The following MAL2 variants were observed in gnomAD, a reference collection of about 807,000 sequenced individuals.
The protein encoded by MAL2 is mal, T cell differentiation protein 2.
A neutral mutation model predicts 18.1 loss-of-function variants in MAL2; 17 were observed. That is an observed-to-expected ratio of 0.94 (90% CI 0.64 to 1.41). The LOEUF (loss-of-function observed/expected upper bound fraction) is 1.41, where lower values mean the gene tolerates loss of function less well. Ranked by LOEUF, MAL2 falls within the 40% of genes most tolerant of loss-of-function variation. MAL2 has a pLI of 0.00. For missense variants in MAL2, 222 were observed against 231.9 expected (o/e 0.96, Z 0.28); for synonymous variants, 102 against 102.3 (o/e 1.00, Z 0.02).
chr8:119,223,408 A>G (rs1817510089), intron 2 of MAL2: 1 of 152,184 alleles, frequency 6.6e-6, no homozygotes, highest in South Asian at 2.1e-4. Context: ...AGAATAATAT[A>G]TTTGGTATTG....
chr8:119,242,034 A>G (rs772070781), intron 3 of MAL2, among the ~76,000 whole-genome samples: 11 of 152,168 alleles, frequency 7.2e-5, no homozygotes, highest in Non-Finnish European at 1.6e-4. Flanking sequence ...GGACTTTCCT[A>G]TGCTATTAGT....
chr8:119,235,305 A>C (rs1817856612), intron 2 of MAL2, among the ~76,000 whole-genome samples: 1 of 152,202 alleles, frequency 6.6e-6, no homozygotes, highest in African/African-American at 2.4e-5. Flanking sequence ...CTATGTGAAA[A>C]GACCAAATCT....
Position 119,244,141 on chromosome 8 carries a change from A to G in MAL2, c.*653A>G, listed in dbSNP as rs1311167524. ...GCCATAGTTTGTCAACCACTGGTGT[A>G]AAACCTTAGTTATATATGATCTGCA... On this transcript the variant is annotated 3_prime_UTR_variant, in exon 4 of 4. Transcript: ENST00000614891. 1 of 152,206 alleles carries G rather than the reference A, an allele frequency of 6.6e-6. No homozygotes were observed. Among genetic ancestry groups the G allele is most frequent in the Non-Finnish European group, 1.5e-5 (1 of 68,040 alleles). 9.4% of individuals were successfully genotyped at this position (152,206 alleles called of 1,614,324 possible).
At chr8:119,239,466 C>A (rs574054848) in intron 2 of MAL2, among the ~76,000 whole-genome samples, 3 of 152,116 alleles carry the variant, frequency 2.0e-5, no homozygotes, top group African/African-American at 4.8e-5. Flanking sequence ...AAGACACATG[C>A]ACATGTATGT....
chr8:119,220,521 G>A (rs1587123928), intron 1 of MAL2, among the ~76,000 whole-genome samples: 1 of 152,138 alleles, frequency 6.6e-6, no homozygotes, highest in Non-Finnish European at 1.5e-5. Context: ...GCTAGTTTCT[G>A]CTCAAGATGA....
rs1554641229 is a variant in MAL2 at position 119,245,123 on chromosome 8, G to A, written c.*1635G>A. Reference sequence around the variant, plus strand: ...AAAATATAAAGACAGAAGACATGAGGAAAAACAAAAGGTTTGAGGAAATCA... The same window carrying A: ...AAAATATAAAGACAGAAGACATGAGAAAAAACAAAAGGTTTGAGGAAATCA... On this transcript the variant is annotated 3_prime_UTR_variant, in exon 4 of 4. Coordinates refer to ENST00000614891, the MANE Select transcript of MAL2 (RefSeq NM_052886.3). 6.6e-6 allele frequency: 1 copy of A among 152,468 alleles called. No individual in the cohort carries two copies. Among genetic ancestry groups the A allele is most frequent in the Non-Finnish European group, 1.5e-5 (1 of 68,006 alleles). The allele number at this position is 152,468 out of a possible 1,614,324, so 9.4% of individuals were successfully genotyped here.
intron 1 of MAL2, among the ~76,000 whole-genome samples, chr8:119,219,523 GT>G (rs1563769934): frequency 0.014 from 15 of 1,076 alleles, no homozygotes; most frequent in Admixed American, 0.032. Context: ...CTCCCTGGGT[GT>G]GTGTGTGTGT....
chr8:119,222,553 T>C (rs968234514), intron 2 of MAL2, among the ~76,000 whole-genome samples: 1 of 148,398 alleles, frequency 6.7e-6, no homozygotes, highest in African/African-American at 2.5e-5. Context: ...TGTGACCAAG[T>C]GCAGTGGCTC....
intron 1 of MAL2, among the ~76,000 whole-genome samples, chr8:119,218,525 CT>C (rs1817397973): frequency 6.6e-6 from 1 of 152,142 alleles, no homozygotes; most frequent in South Asian, 2.1e-4. Flanking sequence ...TCAGAACACA[CT>C]GTGTTGAGCT....
chr8:119,225,305 G>C (rs1398335577), intron 2 of MAL2, among the ~76,000 whole-genome samples: 1 of 151,094 alleles, frequency 6.6e-6, no homozygotes, highest in Non-Finnish European at 1.5e-5. Context: ...GGTGTGTGAT[G>C]TTCCCCTTCC....
chr8:119,230,860 C>T (rs1161133299), intron 2 of MAL2, among the ~76,000 whole-genome samples: 1 of 152,104 alleles, frequency 6.6e-6, no homozygotes. Context: ...GAGCATCTCT[C>T]CTACAAACGT....
At chr8:119,238,276 A>G (rs1817958040) in intron 2 of MAL2, among the ~76,000 whole-genome samples, 1 of 147,610 alleles carries the variant, frequency 6.8e-6, no homozygotes, top group South Asian at 2.1e-4. Flanking sequence ...GCTCACTGAA[A>G]TGAAACAAAG....
chr8:119,234,959 G>A (rs879189314), intron 2 of MAL2, among the ~76,000 whole-genome samples: 1 of 152,088 alleles, frequency 6.6e-6, no homozygotes, highest in Non-Finnish European at 1.5e-5. Context: ...GCTGGATGGA[G>A]AATGACTTTG....
At chr8:119,214,766 A>C (rs1473617102) in intron 1 of MAL2, among the ~76,000 whole-genome samples, 5 of 152,232 alleles carry the variant, frequency 3.3e-5, no homozygotes. Flanking sequence ...AAAGCCTTCA[A>C]ATGTAAAGCT....
At chr8:119,221,922 G>A (rs1014848546) in intron 2 of MAL2, among the ~76,000 whole-genome samples, 165 bp downstream of exon 2, 1 of 151,994 alleles carries the variant, frequency 6.6e-6, no homozygotes, top group Admixed American at 6.6e-5. Flanking sequence ...TGCCTTGATG[G>A]ACAACAGGGC....
chr8:119,233,800 G>A (rs1372695086), intron 2 of MAL2, among the ~76,000 whole-genome samples: 2 of 151,850 alleles, frequency 1.3e-5, no homozygotes, highest in African/African-American at 4.9e-5. Context: ...AATAGAAAAA[G>A]AGAGAATCCT....
intron 2 of MAL2, among the ~76,000 whole-genome samples, chr8:119,229,721 G>A (rs539986943): frequency 6.6e-6 from 1 of 152,270 alleles, no homozygotes; most frequent in Admixed American, 6.5e-5. Context: ...CTCTGAATGT[G>A]GCTATAATGC....
chr8:119,209,956 G>A (rs1310977256), intron 1 of MAL2, among the ~76,000 whole-genome samples: 2 of 152,160 alleles, frequency 1.3e-5, no homozygotes, highest in African/African-American at 2.4e-5. Context: ...AGGGAGACAC[G>A]TTTAGAACTG....
Position 119,245,203 on chromosome 8 carries a change from G to T in MAL2, c.*1715G>T, listed in dbSNP as rs558188401. 2.0e-5 allele frequency: 3 copies of T among 152,552 alleles called. No homozygotes were observed. The highest frequency in any genetic ancestry group is 4.2e-4 in the South Asian group (2 of 4,818). 9.4% of individuals were successfully genotyped at this position (152,552 alleles called of 1,614,324 possible). A position where few individuals can be genotyped will look rare whatever the true frequency, so the allele number is the denominator to read the frequency against. ...CTTTTCTATAATATCCTACTACTTT[G>T]GTTTTCCTAGCTCCATACCACACAC... On this transcript the variant is annotated 3_prime_UTR_variant, in exon 4 of 4. Coordinates refer to ENST00000614891, the MANE Select transcript of MAL2 (RefSeq NM_052886.3).
Sources: allele counts gnomAD v4.1 joint callset (sites outside exome capture counted in the v4.1 genomes callset), GRCh38; gene constraint gnomAD v4.1.1; transcripts MANE v1.5; gene names NCBI Gene and HGNC (gene_info 2026-07-23, HGNC 2026-07-21).